RPAP2: variants seen among roughly 807,000 people sequenced by gnomAD.
RPAP2 encodes the protein putative RNA polymerase II subunit B1 CTD phosphatase RPAP2.
RPAP2 carries 52 observed loss-of-function variants against 73.1 expected under a neutral mutation model. That is an observed-to-expected ratio of 0.71 (90% confidence interval 0.57 to 0.90). The LOEUF (loss-of-function observed/expected upper bound fraction) is 0.90. Ranked by LOEUF, RPAP2 falls within the 40% of genes least tolerant of loss-of-function variation. The pLI is 0.00. For synonymous variants in RPAP2, 225 were observed against 242.1 expected (o/e 0.93, Z 0.65); for missense variants, 598 against 701.8 (o/e 0.85, Z 1.67).
intron 11 of RPAP2, among the ~76,000 whole-genome samples, chr1:92,352,462 C>T (rs906994899): frequency 2.6e-5 from 4 of 152,046 alleles, no homozygotes; most frequent in Non-Finnish European, 4.4e-5. Flanking sequence ...TTTTTTAAAG[C>T]CTGCCTATCA....
chr1:92,358,969 C>T (rs1557623169), intron 11 of RPAP2, among the ~76,000 whole-genome samples: 1 of 152,224 alleles, frequency 6.6e-6, no homozygotes, highest in Non-Finnish European at 1.5e-5. Context: ...CTATCATCCA[C>T]TCACCTACCA....
intron 3 of RPAP2, 67 bp downstream of exon 3, chr1:92,301,657 C>G (rs1650867066): frequency 1.7e-6 from 1 of 596,904 alleles, no homozygotes; most frequent in African/African-American, 1.9e-5. Context: ...CAGCATGAAA[C>G]TTCTTTGCAT....
chr1:92,401,243 C>T lies in RPAP2; in HGVS notation c.*14232C>T, dbSNP rs1325700402. 1.3e-5 allele frequency: 2 copies of T among 152,214 alleles called. No homozygotes were observed. Among genetic ancestry groups the T allele is most frequent in the East Asian group, 3.8e-4 (2 of 5,202 alleles). The allele number at this position is 152,214 out of a possible 1,614,324, so 9.4% of individuals were successfully genotyped here. On this transcript the variant is annotated 3_prime_UTR_variant, in exon 13 of 13. Coordinates refer to ENST00000610020, the MANE Select transcript of RPAP2 (RefSeq NM_024813.3). ...TACTGAAGACCTTTCTAACTCACTT[C>T]TGTAAAGATCAATTCAATAAAAGCA...
chr1:92,401,550 C>T lies in RPAP2; in HGVS notation c.*14539C>T, dbSNP rs1656318032. On this transcript the variant is annotated 3_prime_UTR_variant, in exon 13 of 13. Coordinates refer to ENST00000610020, the MANE Select transcript of RPAP2 (RefSeq NM_024813.3). The stretch of plus-strand genomic sequence containing the variant: ...TCTTGCCTTACTGCCCTGGTTAGGA[C>T]CTTCAGAACAATACTGGATATAAGT... 1 of 152,140 alleles carries T rather than the reference C, an allele frequency of 6.6e-6. No individual in the cohort carries two copies. Among genetic ancestry groups the T allele is most frequent in the African/African-American group, 2.4e-5 (1 of 41,430 alleles). 9.4% of individuals were successfully genotyped at this position (152,140 alleles called of 1,614,324 possible).
At chr1:92,346,256 C>T (rs1327409118) in intron 11 of RPAP2, among the ~76,000 whole-genome samples, 2 of 151,874 alleles carry the variant, frequency 1.3e-5, no homozygotes, top group Non-Finnish European at 2.9e-5. Context: ...CTCTGCCTCC[C>T]AGGCTCAAGC....
At chr1:92,374,137 T>C (rs1034780550) in intron 11 of RPAP2, among the ~76,000 whole-genome samples, 2 of 152,150 alleles carry the variant, frequency 1.3e-5, no homozygotes, top group Non-Finnish European at 2.9e-5. Flanking sequence ...CCATAGGTTG[T>C]CCATTGACCT....
chr1:92,309,033 C>T (rs1211001024), intron 6 of RPAP2, among the ~76,000 whole-genome samples: 4 of 152,098 alleles, frequency 2.6e-5, no homozygotes, highest in African/African-American at 7.2e-5. Context: ...TCACCATCCT[C>T]TATTCAGAAT....
At chr1:92,299,350 T>G (rs967709028) in intron 1 of RPAP2, among the ~76,000 whole-genome samples, 1 of 152,096 alleles carries the variant, frequency 6.6e-6, no homozygotes, top group Non-Finnish European at 1.5e-5. Context: ...ACGCCAGTGT[T>G]CCAAGATTTC....
chr1:92,327,986 A>C (rs182888813), intron 8 of RPAP2, among the ~76,000 whole-genome samples: 1 of 152,216 alleles, frequency 6.6e-6, no homozygotes, highest in Non-Finnish European at 1.5e-5. Flanking sequence ...TAGGACTCCA[A>C]TGTCTTCTAG....
At chr1:92,308,571 A>G (rs570012944) in intron 6 of RPAP2, among the ~76,000 whole-genome samples, 5 of 152,060 alleles carry the variant, frequency 3.3e-5, no homozygotes, top group Non-Finnish European at 7.4e-5. Context: ...CCTCATATCT[A>G]CCTCAACTGC....
intron 6 of RPAP2, among the ~76,000 whole-genome samples, chr1:92,319,756 T>C (rs1652135890): frequency 6.6e-6 from 1 of 152,172 alleles, no homozygotes; most frequent in Admixed American, 6.5e-5. Flanking sequence ...CCCAGCACTT[T>C]GGGAGGCCAA....
intron 11 of RPAP2, among the ~76,000 whole-genome samples, chr1:92,365,450 A>G (rs1654897108): frequency 6.6e-6 from 1 of 152,214 alleles, no homozygotes; most frequent in Non-Finnish European, 1.5e-5. Context: ...TGGGTGGGGC[A>G]TGGGCATAAG....
chr1:92,303,957 A>G lies in RPAP2; in HGVS notation c.235-20A>G, dbSNP rs1333702830. On this transcript the variant is annotated intron_variant, in intron 3 of 12. Coordinates refer to ENST00000610020, the MANE Select transcript of RPAP2 (RefSeq NM_024813.3). ...TTTTCTATTAAACTAGGAGGAAATA[A>G]CCCTCTCATTTCATTTTAGGGGAGG... 6.6e-7 allele frequency: 1 copy of G among 1,519,446 alleles called. No homozygotes were observed. Among genetic ancestry groups the G allele is most frequent in the East Asian group, 2.3e-5 (1 of 44,134 alleles). The allele number at this position is 1,519,446 out of a possible 1,614,324, so 94.1% of individuals were successfully genotyped here.
intron 6 of RPAP2, among the ~76,000 whole-genome samples, chr1:92,314,801 T>C (rs1430317412): frequency 1.3e-5 from 2 of 150,902 alleles, no homozygotes; most frequent in Non-Finnish European, 2.9e-5. Flanking sequence ...TCCCAGCACT[T>C]TGGGAGGCCA....
intron 8 of RPAP2, among the ~76,000 whole-genome samples, chr1:92,331,916 A>G (rs925163034): frequency 2.0e-5 from 3 of 152,138 alleles, no homozygotes; most frequent in African/African-American, 2.4e-5. Flanking sequence ...TTAGATGAGC[A>G]GTTATTTTCT....
chr1:92,302,590 ATTTTTT>A (rs36067595), intron 3 of RPAP2, among the ~76,000 whole-genome samples: 18 of 74,336 alleles, frequency 2.4e-4, no homozygotes, highest in Admixed American at 1.8e-3. Flanking sequence ...TCCGCATTAA[ATTTTTT>A]TTTTTTTTTT....
chr1:92,336,546 C>T (rs1653289883), intron 10 of RPAP2, 119 bp downstream of exon 10: 3 of 662,250 alleles, frequency 4.5e-6, no homozygotes, highest in Admixed American at 2.8e-5. Context: ...GATCTAAATA[C>T]AGTATTCTAT....
At chr1:92,300,172 C>T in intron 1 of RPAP2, 22 bp from the exon 2 acceptor site, 1 of 1,574,004 alleles carries the variant, frequency 6.4e-7, no homozygotes, top group Non-Finnish European at 8.7e-7. Flanking sequence ...TTATGTAGCA[C>T]ATGACTGTAT....
At chr1:92,359,448 T>C (rs1654633891) in intron 11 of RPAP2, among the ~76,000 whole-genome samples, 1 of 152,162 alleles carries the variant, frequency 6.6e-6, no homozygotes, top group South Asian at 2.1e-4. Context: ...GCCTCCGAAG[T>C]AGTTGGGATT....
Sources: gnomAD v4.1 joint callset for allele counts (sites outside exome capture counted in the v4.1 genomes callset) on GRCh38, gnomAD v4.1.1 for gene constraint, MANE v1.5 for transcripts, NCBI Gene and HGNC (gene_info 2026-07-23, HGNC 2026-07-21) for gene names.